The following WDR37 variants were observed in gnomAD, a reference collection of about 807,000 sequenced individuals.
WDR37 encodes the protein WD repeat domain 37.
A neutral mutation model predicts 62.9 loss-of-function variants in WDR37; 19 were observed. The ratio of observed to expected loss-of-function variants is 0.30; its 90% CI spans 0.21 to 0.44. WDR37 has a LOEUF of 0.44. Ranked by LOEUF, WDR37 falls within the 20% of genes least tolerant of loss-of-function variation. The probability of loss-of-function intolerance (pLI) is 1.00; values close to 1 mark genes in which losing one functional copy is unlikely to be tolerated. For synonymous variants in WDR37, 250 were observed against 260.9 expected (o/e 0.96, Z 0.40); for missense variants, 474 against 657.6 (o/e 0.72, Z 3.05).
chr10:1,061,528 C>T (rs1833373363), intron 1 of WDR37, among the ~76,000 whole-genome samples: 1 of 152,162 alleles, frequency 6.6e-6, no homozygotes, highest in Admixed American at 6.5e-5. Context: ...ATTCAGGATC[C>T]CCTAGGGCAA....
intron 11 of WDR37, among the ~76,000 whole-genome samples, chr10:1,112,377 G>A (rs548518952): frequency 3.3e-5 from 5 of 152,290 alleles, no homozygotes; most frequent in South Asian, 4.1e-4. Flanking sequence ...CTAACTGGCC[G>A]TTCCTTCGTC....
At chr10:1,096,127 A>G (rs763602083) in intron 8 of WDR37, 43 bp from the exon 9 acceptor site, 5 of 1,603,582 alleles carry the variant, frequency 3.1e-6, no homozygotes, top group Admixed American at 1.7e-5. Context: ...GCATTTTACC[A>G]TGGTCTGTGC....
intron 11 of WDR37, among the ~76,000 whole-genome samples, chr10:1,119,182 T>C (rs1263866278): frequency 6.6e-6 from 1 of 152,238 alleles, no homozygotes; most frequent in Non-Finnish European, 1.5e-5. Flanking sequence ...AAACGGTCTC[T>C]GTCCTTGGTA....
chr10:1,080,561 A>G, intron 5 of WDR37, 85 bp downstream of exon 5: 1 of 1,447,934 alleles, frequency 6.9e-7, no homozygotes, highest in Non-Finnish European at 9.6e-7. Context: ...TTCCAATTAG[A>G]AAGGCATAGC....
chr10:1,129,397 T>C lies in WDR37; in HGVS notation c.*53T>C. On this transcript the variant is annotated 3_prime_UTR_variant, in exon 14 of 14. Transcript: ENST00000263150. ...TTTGCCAGCACAGACCTTTGATGGGTGCAGGCTTTTCTGCGTATTAATCAG... is the reference window on the plus strand; with the variant it reads ...TTTGCCAGCACAGACCTTTGATGGGCGCAGGCTTTTCTGCGTATTAATCAG... 1 of 1,604,982 alleles carries C rather than the reference T, an allele frequency of 6.2e-7. No individual in the cohort carries two copies. Among genetic ancestry groups the C allele is most frequent in the Non-Finnish European group, 8.5e-7 (1 of 1,173,276 alleles).
chr10:1,124,657 A>T (rs1835682477), intron 12 of WDR37, among the ~76,000 whole-genome samples: 1 of 149,182 alleles, frequency 6.7e-6, no homozygotes, highest in African/African-American at 2.5e-5. Flanking sequence ...ACCATTGAGC[A>T]GTGTGTGTGT....
Position 1,129,696 on chromosome 10 carries a change from C to T in WDR37, c.*352C>T, listed in dbSNP as rs1564198705. The stretch of plus-strand genomic sequence containing the variant: ...TGTGAACTTCTGTATTACGTTGCGG[C>T]GTCGGCAGTCCTGCGTTCCCTGGAG... On this transcript the variant is annotated 3_prime_UTR_variant, in exon 14 of 14. Transcript: ENST00000263150. 1.1e-5 allele frequency: 2 copies of T among 184,364 alleles called. No individual in the cohort carries two copies. Among genetic ancestry groups the T allele is most frequent in the East Asian group, 3.1e-4 (2 of 6,360 alleles). The allele number at this position is 184,364 out of a possible 1,614,324, so 11.4% of individuals were successfully genotyped here. A position where few individuals can be genotyped will look rare whatever the true frequency, so the allele number is the denominator to read the frequency against.
At chr10:1,072,871 G>A (rs1016114575) in intron 2 of WDR37, among the ~76,000 whole-genome samples, 2 of 152,110 alleles carry the variant, frequency 1.3e-5, no homozygotes, top group Admixed American at 6.5e-5. Flanking sequence ...CTTTGTACAG[G>A]CTTGCGGACA....
chr10:1,118,003 C>G (rs1243376058), intron 11 of WDR37, among the ~76,000 whole-genome samples: 1 of 102,422 alleles, frequency 9.8e-6, no homozygotes, highest in Non-Finnish European at 1.9e-5. Flanking sequence ...GCCAGCCCTA[C>G]TTGAAGTCCC....
rs373160450 is a variant in WDR37 at position 1,126,363 on chromosome 10, G to A, written c.1353+1339G>A. Among the ~76,000 whole-genome samples, 808 of 148,316 alleles carry A rather than the reference G, an allele frequency of 5.4e-3. 2 individuals are homozygous for A. The highest frequency in any genetic ancestry group is 0.01 in the Admixed American group (152 of 14,962). ...GGAGCTTGCAGTGAGCTGAGATCGCGCCACTGCACTCCAGCCTGGGCGACA... is the reference window on the plus strand; with the variant it reads ...GGAGCTTGCAGTGAGCTGAGATCGCACCACTGCACTCCAGCCTGGGCGACA... On this transcript the variant is annotated intron_variant, in intron 13 of 13. Coordinates refer to ENST00000263150, the MANE Select transcript of WDR37 (RefSeq NM_014023.4).
intron 2 of WDR37, among the ~76,000 whole-genome samples, chr10:1,073,255 A>G (rs186936442): frequency 2.1e-4 from 32 of 152,310 alleles, no homozygotes; most frequent in Admixed American, 1.6e-3. Context: ...TTCCTTCACA[A>G]TTAGAACAAA....
At chr10:1,123,978 T>C (rs531371862) in intron 11 of WDR37, 52 of 495,642 alleles carry the variant, frequency 1.0e-4, no homozygotes, top group African/African-American at 9.4e-4. Context: ...TTCCGTTGCC[T>C]GTAGATGTGG....
chr10:1,119,069 G>A (rs1401291900), intron 11 of WDR37, among the ~76,000 whole-genome samples: 1 of 152,200 alleles, frequency 6.6e-6, no homozygotes. Context: ...ATCGGCGTTA[G>A]GAATTTCTTC....
At chr10:1,074,277 C>G in intron 2 of WDR37, 1 of 1,169,978 alleles carries the variant, frequency 8.5e-7, no homozygotes, top group Non-Finnish European at 1.1e-6. Flanking sequence ...TGTCTCCTGC[C>G]TGGGGTGAAA....
intron 2 of WDR37, among the ~76,000 whole-genome samples, chr10:1,076,502 A>G (rs573621713): frequency 6.6e-6 from 1 of 151,656 alleles, no homozygotes; most frequent in African/African-American, 2.4e-5. Flanking sequence ...ACACTGTGAA[A>G]CCATGTCTTA....
chr10:1,127,685 G>A (rs1055367006), intron 13 of WDR37, among the ~76,000 whole-genome samples: 15 of 152,214 alleles, frequency 9.9e-5, no homozygotes, highest in Non-Finnish European at 1.5e-4. Flanking sequence ...CTCATTGGGC[G>A]TGAGGGTCCC....
chr10:1,076,709 A>G (rs1304636685), intron 2 of WDR37, among the ~76,000 whole-genome samples: 1 of 149,812 alleles, frequency 6.7e-6, no homozygotes, highest in Non-Finnish European at 1.5e-5. Flanking sequence ...ACGACTCATC[A>G]GAATAAAAAA....
At chr10:1,108,739 G>C (rs2078590) in intron 11 of WDR37, among the ~76,000 whole-genome samples, 18,225 of 108,896 alleles carry the variant, frequency 0.17, 2,097 homozygotes, top group East Asian at 0.22. Flanking sequence ...CTTCTGTGAT[G>C]CCCCCCCCCC....
intron 5 of WDR37, among the ~76,000 whole-genome samples, chr10:1,082,577 G>A (rs777510973): frequency 5.3e-5 from 8 of 152,198 alleles, no homozygotes; most frequent in Non-Finnish European, 1.2e-4. Context: ...GCTTTGTTCT[G>A]CTGCTTTTCT....
Sources: allele counts gnomAD v4.1 joint callset (sites outside exome capture counted in the v4.1 genomes callset), GRCh38; gene constraint gnomAD v4.1.1; transcripts MANE v1.5; gene names NCBI Gene and HGNC (gene_info 2026-07-23, HGNC 2026-07-21).